The following NACC2 variants were observed in gnomAD, a reference collection of about 807,000 sequenced individuals.
The protein encoded by NACC2 is nucleus accumbens-associated protein 2.
NACC2 carries 8 observed loss-of-function variants against 25.1 expected under a neutral mutation model. That is an observed-to-expected ratio of 0.32 (90% CI 0.19 to 0.57). The LOEUF (loss-of-function observed/expected upper bound fraction) is 0.57. Among genes scored for constraint, NACC2 ranks in the 20% least tolerant of loss-of-function variants. The pLI, the probability that NACC2 is intolerant of heterozygous loss-of-function variation, is 0.89. For missense variants in NACC2, 644 were observed against 650.2 expected (o/e 0.99, Z 0.10); for synonymous variants, 435 against 294.7 (o/e 1.48, Z -4.88).
chr9:136,049,523 G>T, intron 2 of NACC2, 113 bp downstream of exon 2: 1 of 618,634 alleles, frequency 1.6e-6, no homozygotes, highest in Non-Finnish European at 2.9e-6. Flanking sequence ...CTTGGTGGGG[G>T]GCTCCCCTGT....
intron 2 of NACC2, among the ~76,000 whole-genome samples, chr9:136,025,442 A>AAACAAAACAAAAC (rs1840373705): frequency 6.6e-6 from 1 of 152,206 alleles, no homozygotes; most frequent in Non-Finnish European, 1.5e-5. Context: ...ATAAAAAACA[A>AAACAAAACAAAAC]AACAAAACAA....
At chr9:136,090,556 G>A (rs531209874) in intron 1 of NACC2, among the ~76,000 whole-genome samples, 1 of 152,310 alleles carries the variant, frequency 6.6e-6, no homozygotes, top group East Asian at 1.9e-4. Context: ...TCCCTCAGCA[G>A]GCACCCAGCT....
intron 1 of NACC2, among the ~76,000 whole-genome samples, chr9:136,057,850 GGCACC>G (rs1840948767): frequency 1.3e-5 from 2 of 152,192 alleles, no homozygotes; most frequent in Non-Finnish European, 2.9e-5. Context: ...TCGGATCCCA[GGCACC>G]GACAGTCAGA....
chr9:136,086,908 A>C lies in NACC2; in HGVS notation c.-60+8281T>G, dbSNP rs191964820. Among the ~76,000 whole-genome samples, 8 of 152,188 alleles carry C rather than the reference A, an allele frequency of 5.3e-5. No individual in the cohort carries two copies. The East Asian group carries it at 1.5e-3, about 29-fold the overall frequency. On this transcript the variant is annotated intron_variant, in intron 1 of 5. Coordinates refer to ENST00000277554, the MANE Select transcript of NACC2 (RefSeq NM_144653.5). The surrounding 1 kb of genome is among the most constrained non-coding windows in gnomAD (Gnocchi z 5.6). ...GCACTAAAGGCTTTCTGCCCCTCCC[A>C]CACCACACCGGGGGTTCGCATCTAC... is the stretch of plus-strand genomic sequence containing the variant.
rs1417006216 is a variant in NACC2 at position 136,008,306 on chromosome 9, G to C, written c.*3210C>G. ...CTCCATGCAACCCAGCTGCCTCCTGGGCCCATCCCCTTGGGGAAGAGGAAG... is the reference window on the plus strand; with the variant it reads ...CTCCATGCAACCCAGCTGCCTCCTGCGCCCATCCCCTTGGGGAAGAGGAAG... On this transcript the variant is annotated 3_prime_UTR_variant, in exon 6 of 6. Coordinates refer to ENST00000277554, the MANE Select transcript of NACC2 (RefSeq NM_144653.5). The C allele has an allele frequency of 6.6e-6, 1 of 152,194 alleles. No individual in the cohort carries two copies. The highest frequency in any genetic ancestry group is 2.4e-5 in the African/African-American group (1 of 41,408). 9.4% of individuals were successfully genotyped at this position (152,194 alleles called of 1,614,324 possible). A position where few individuals can be genotyped will look rare whatever the true frequency, so the allele number is the denominator to read the frequency against.
chr9:136,008,922 G>A lies in NACC2; in HGVS notation c.*2594C>T, dbSNP rs1439077313. ...TATTTAAGTTTTATCTATAGCTCTT[G>A]CCTTCCTTACCCAGAACAAAACAGA... On this transcript the variant is annotated 3_prime_UTR_variant, in exon 6 of 6. Coordinates refer to ENST00000277554, the MANE Select transcript of NACC2 (RefSeq NM_144653.5). 1 of 152,268 alleles carries A rather than the reference G, an allele frequency of 6.6e-6. No homozygotes were observed. Among genetic ancestry groups the A allele is most frequent in the East Asian group, 1.9e-4 (1 of 5,198 alleles). 9.4% of individuals were successfully genotyped at this position (152,268 alleles called of 1,614,324 possible).
chr9:136,072,778 A>T (rs1407190147), intron 1 of NACC2, among the ~76,000 whole-genome samples: 1 of 152,164 alleles, frequency 6.6e-6, no homozygotes, highest in East Asian at 1.9e-4. Context: ...TGAACTCAGG[A>T]GGCGGAGGCT....
chr9:136,049,930 G>C lies in NACC2; in HGVS notation c.592C>G (p.Arg198Gly). Residue 198 changes from arginine (R) to glycine (G), a missense_variant, in exon 2 of 6, where the codon CGG becomes GGG. Transcript: ENST00000277554. ...CCCGCGGCCACCGCCACGCCGTCCC[G>C]GGGCCCCGTCTCCAGCGGGCGCTTG... is the stretch of plus-strand genomic sequence containing the variant. ...APKRPLETGP[R>G]DGVAVAAGAA... 5.2e-6 allele frequency: 3 copies of C among 576,858 alleles called. No individual in the cohort carries two copies. Among genetic ancestry groups the C allele is most frequent in the Non-Finnish European group, 3.1e-6 (1 of 325,506 alleles). The allele number at this position is 576,858 out of a possible 1,614,324, so 35.7% of individuals were successfully genotyped here.
chr9:136,091,313 G>A lies in NACC2; in HGVS notation c.-60+3876C>T, dbSNP rs902413262. Among the ~76,000 whole-genome samples, 19 of 152,190 alleles carry A rather than the reference G, an allele frequency of 1.2e-4. 1 individual carries two copies. The highest frequency in any genetic ancestry group is 6.5e-4 in the Admixed American group (10 of 15,282). ...AGAGGATGCTACTCTGTAGCAGGAC[G>A]GCCTCAGGGAGGACGGGTTCCTCAC... On this transcript the variant is annotated intron_variant, in intron 1 of 5. Coordinates refer to ENST00000277554, the MANE Select transcript of NACC2 (RefSeq NM_144653.5).
intron 1 of NACC2, among the ~76,000 whole-genome samples, chr9:136,064,616 TTAA>T (rs1841058329): frequency 6.6e-6 from 1 of 152,176 alleles, no homozygotes; most frequent in South Asian, 2.1e-4. Context: ...AAAGTCTTCC[TTAA>T]TAATGTTAAT....
At chr9:136,062,757 A>G (rs1200299751) in intron 1 of NACC2, among the ~76,000 whole-genome samples, 2 of 152,140 alleles carry the variant, frequency 1.3e-5, no homozygotes, top group Non-Finnish European at 2.9e-5. Flanking sequence ...TCTACAAAAA[A>G]ATACAAAGAC....
In NACC2 at chr9:136,018,069, G is replaced by C. The variant is rs974330728; in HGVS notation, c.887-1640C>G. On this transcript the variant is annotated intron_variant, in intron 2 of 5. Coordinates refer to ENST00000277554, the MANE Select transcript of NACC2 (RefSeq NM_144653.5). This position sits in a 1 kb window ranked among gnomAD's most constrained non-coding sequence, Gnocchi z 4.4. ...TGCTGGTCTCAGCTGTGCAGAGGGA[G>C]GGGTGGGGTGGAACCTGCACGTCCA... Among the ~76,000 whole-genome samples the C allele has an allele frequency of 5.3e-5, 8 of 152,160 alleles. No homozygotes were observed. Among genetic ancestry groups the C allele is most frequent in the African/African-American group, 1.4e-4 (6 of 41,444 alleles).
chr9:136,074,313 C>G (rs1043931338), intron 1 of NACC2, among the ~76,000 whole-genome samples: 4 of 147,910 alleles, frequency 2.7e-5, no homozygotes, highest in African/African-American at 1.0e-4. Flanking sequence ...ATTAGCCGGG[C>G]ATGGTGGTGG....
intron 1 of NACC2, among the ~76,000 whole-genome samples, chr9:136,083,226 A>C (rs1449044670): frequency 1.3e-5 from 2 of 152,222 alleles, no homozygotes; most frequent in Non-Finnish European, 2.9e-5. Flanking sequence ...GGTGGGGGTC[A>C]GAGCCCCTGG....
intron 1 of NACC2, among the ~76,000 whole-genome samples, chr9:136,093,048 G>A (rs1481827522): frequency 6.6e-6 from 1 of 152,204 alleles, no homozygotes; most frequent in Admixed American, 6.5e-5. Context: ...GGTGCCCTGT[G>A]CGTTCCAGGG....
At chr9:136,092,905 G>GA (rs1485972224) in intron 1 of NACC2, among the ~76,000 whole-genome samples, 2 of 152,222 alleles carry the variant, frequency 1.3e-5, no homozygotes, top group African/African-American at 2.4e-5. Context: ...AAAGGGGATG[G>GA]AGTGACCCCA....
chr9:136,043,461 C>T lies in NACC2; in HGVS notation c.886+6175G>A, dbSNP rs973606255. Among the ~76,000 whole-genome samples, 269 of 152,362 alleles carry T rather than the reference C, an allele frequency of 1.8e-3. 9 individuals carry two copies. The South Asian group carries it at 0.05, about 28-fold the overall frequency. Reference sequence around the variant, plus strand: ...GAAACGTCAAGGCTGACAGAGAACCCCGGCTGCCGTAAGGCCGTGGGGCGC... The same window carrying T: ...GAAACGTCAAGGCTGACAGAGAACCTCGGCTGCCGTAAGGCCGTGGGGCGC... On this transcript the variant is annotated intron_variant, in intron 2 of 5. Coordinates refer to ENST00000277554, the MANE Select transcript of NACC2 (RefSeq NM_144653.5).
intron 1 of NACC2, among the ~76,000 whole-genome samples, chr9:136,087,055 A>C (rs1227092071): frequency 2.0e-5 from 3 of 152,230 alleles, no homozygotes; most frequent in African/African-American, 7.2e-5. Flanking sequence ...AGAAGGGAGA[A>C]GTTTGGACAC....
intron 3 of NACC2, 57 bp from the exon 4 acceptor site, chr9:136,014,026 G>C: frequency 8.8e-7 from 1 of 1,141,682 alleles, no homozygotes; most frequent in Non-Finnish European, 1.2e-6. Flanking sequence ...AGGGTCCGAA[G>C]AGGCGCACAG....
Sources: gnomAD v4.1 joint callset for allele counts (sites outside exome capture counted in the v4.1 genomes callset) on GRCh38, gnomAD v4.1.1 for gene constraint, Gnocchi (gnomAD v3.1) non-coding constraint, MANE v1.5 for transcripts, NCBI Gene and HGNC (gene_info 2026-07-23, HGNC 2026-07-21) for gene names.